The following RYR2 variants were observed in gnomAD, a reference collection of about 807,000 sequenced individuals.
The protein encoded by RYR2 is cardiac muscle ryanodine receptor-calcium release channel.
RYR2 carries 227 observed loss-of-function variants against 601.1 expected under a neutral mutation model. The ratio of observed to expected loss-of-function variants is 0.38; its 90% CI spans 0.34 to 0.42. The LOEUF is 0.42. Ranked by LOEUF, RYR2 falls within the 10% of genes least tolerant of loss-of-function variation. RYR2 has a pLI of 1.00. For synonymous variants in RYR2, 2,223 were observed against 2,175.1 expected (o/e 1.02, Z -0.61); for missense variants, 4,646 against 6,156.5 (o/e 0.75, Z 8.21).
chr1:237,371,533 A>G (rs766068769), intron 6 of RYR2, among the ~76,000 whole-genome samples: 7 of 152,222 alleles, frequency 4.6e-5, no homozygotes, highest in Non-Finnish European at 8.8e-5. Flanking sequence ...TAGTGGCAAC[A>G]TGATAGTTCA....
In RYR2 at chr1:237,806,088, A is replaced by G. The variant is rs374163394; in HGVS notation, c.14152-49A>G. The G allele has an allele frequency of 5.1e-6, 8 of 1,555,508 alleles. No homozygotes were observed. In the African/African-American group the frequency reaches 8.2e-5, roughly 16 times the overall value. On this transcript the variant is annotated intron_variant, in intron 98 of 104. Coordinates refer to ENST00000366574, the MANE Select transcript of RYR2 (RefSeq NM_001035.3). ...TTTTGCTTAACCCATAACAATAGTC[A>G]TGCGTTCTGTTTTCTGACATGTTCT...
intron 12 of RYR2, among the ~76,000 whole-genome samples, chr1:237,426,119 G>T (rs1197703754): frequency 6.6e-6 from 1 of 151,880 alleles, no homozygotes; most frequent in Non-Finnish European, 1.5e-5. Context: ...GAGACCAGAA[G>T]TAATTCTGAA....
chr1:237,095,131 T>G (rs1226792903), intron 1 of RYR2, among the ~76,000 whole-genome samples: 1 of 152,242 alleles, frequency 6.6e-6, no homozygotes, highest in Non-Finnish European at 1.5e-5. Context: ...GGTGAGCCTT[T>G]TCTCCCTTCA....
intron 1 of RYR2, among the ~76,000 whole-genome samples, chr1:237,216,486 C>G (rs997073810): frequency 6.6e-6 from 1 of 151,794 alleles, no homozygotes; most frequent in Non-Finnish European, 1.5e-5. Flanking sequence ...GCCTGTAATC[C>G]CAGCACTTTG....
chr1:237,298,257 T>C (rs544259805), intron 2 of RYR2, among the ~76,000 whole-genome samples: 4 of 152,292 alleles, frequency 2.6e-5, no homozygotes, highest in East Asian at 3.9e-4. Context: ...GGTGCTGGCA[T>C]AGGAAGATTA....
intron 2 of RYR2, among the ~76,000 whole-genome samples, chr1:237,329,989 G>T (rs1439741819): frequency 3.9e-5 from 6 of 152,184 alleles, no homozygotes; most frequent in African/African-American, 1.4e-4. Context: ...CTACTTTGTG[G>T]ATAAGGAGAA....
chr1:237,563,022 C>T (rs1382581), intron 27 of RYR2, among the ~76,000 whole-genome samples: 44,863 of 152,062 alleles, frequency 0.3, 6,849 homozygotes, highest in East Asian at 0.47. Context: ...ACCCAGATTT[C>T]ACTTTGTATT....
At chr1:237,105,834 CAAAAA>C (rs34759459) in intron 1 of RYR2, among the ~76,000 whole-genome samples, 4 of 87,022 alleles carry the variant, frequency 4.6e-5, no homozygotes, top group African/African-American at 1.7e-4. Context: ...GACTCTGTCT[CAAAAA>C]AAAAAAAAAA....
chr1:237,188,079 A>C (rs1462152354), intron 1 of RYR2, among the ~76,000 whole-genome samples: 1 of 152,232 alleles, frequency 6.6e-6, no homozygotes, highest in Non-Finnish European at 1.5e-5. Flanking sequence ...TTGAGCAGCT[A>C]GTTTGAAAAA....
chr1:237,053,356 G>T (rs762717682), intron 1 of RYR2, among the ~76,000 whole-genome samples: 6 of 152,172 alleles, frequency 3.9e-5, no homozygotes, highest in Non-Finnish European at 8.8e-5. Flanking sequence ...ATGGCTGTCA[G>T]AGAAGCGTAA....
chr1:237,297,176 C>A (rs1264581557), intron 2 of RYR2, among the ~76,000 whole-genome samples: 8 of 151,918 alleles, frequency 5.3e-5, no homozygotes, highest in Non-Finnish European at 1.0e-4. Context: ...TATGGGGAAG[C>A]AGAAGGAAAA....
chr1:237,468,971 T>C, intron 16 of RYR2, 121 bp from the exon 17 acceptor site: 1 of 684,122 alleles, frequency 1.5e-6, no homozygotes, highest in Non-Finnish European at 2.5e-6. Context: ...TTTGCATAAG[T>C]TTTTAGATGT....
At chr1:237,446,099 G>A (rs1299676003) in intron 14 of RYR2, among the ~76,000 whole-genome samples, 1 of 152,186 alleles carries the variant, frequency 6.6e-6, no homozygotes, top group Admixed American at 6.5e-5. Flanking sequence ...ACAGGTGTGA[G>A]CCACCGTGCC....
intron 33 of RYR2, among the ~76,000 whole-genome samples, chr1:237,594,886 GTTTTTTT>G (rs776702428): frequency 9.9e-5 from 6 of 60,394 alleles, no homozygotes; most frequent in East Asian, 9.0e-4. Flanking sequence ...ATATCACTGG[GTTTTTTT>G]TTTTTTTTTT....
chr1:237,778,348 A>C (rs1464657352), intron 87 of RYR2, among the ~76,000 whole-genome samples: 2 of 151,268 alleles, frequency 1.3e-5, no homozygotes, highest in East Asian at 3.9e-4. Context: ...TAGCCAAAGC[A>C]CCCAGACCTT....
At chr1:237,734,698 C>T (rs556319813) in intron 79 of RYR2, among the ~76,000 whole-genome samples, 95 of 152,292 alleles carry the variant, frequency 6.2e-4, no homozygotes, top group African/African-American at 2.1e-3. Flanking sequence ...AGGCTTCTCA[C>T]TTGGGTACCA....
intron 6 of RYR2, among the ~76,000 whole-genome samples, chr1:237,374,470 C>A (rs1199480634): frequency 6.6e-6 from 1 of 152,038 alleles, no homozygotes; most frequent in African/African-American, 2.4e-5. Context: ...CCAGCCTGGG[C>A]AACATGGTGA....
rs1659489574 is a variant in RYR2 at position 237,798,123 on chromosome 1, T to C, written c.14043T>C (p.Asp4681=). The C allele has an allele frequency of 3.1e-6, 5 of 1,612,208 alleles. No homozygotes were observed. Among genetic ancestry groups the C allele is most frequent in the Non-Finnish European group, 4.2e-6 (5 of 1,179,110 alleles). The stretch of plus-strand genomic sequence containing the variant: ...ACAAGGCAGCTCTGGACTTCAGTGA[T>C]GCCAGAGAAAAGAAGAAGCCAAAGA... ...GMDKAALDFS[D]AREKKKPKKD... Residue 4681 remains aspartate (D), a synonymous_variant, in exon 97 of 105, where the codon GAT becomes GAC. Coordinates refer to ENST00000366574, the MANE Select transcript of RYR2 (RefSeq NM_001035.3).
At chr1:237,485,505 G>A (rs1662587365) in intron 17 of RYR2, among the ~76,000 whole-genome samples, 1 of 152,178 alleles carries the variant, frequency 6.6e-6, no homozygotes, top group Non-Finnish European at 1.5e-5. Context: ...ATTCATCTCA[G>A]GGCATTGGTA....
Sources: gnomAD v4.1 joint callset for allele counts (sites outside exome capture counted in the v4.1 genomes callset) on GRCh38, gnomAD v4.1.1 for gene constraint, MANE v1.5 for transcripts, NCBI Gene and HGNC (gene_info 2026-07-23, HGNC 2026-07-21) for gene names.